The following C6 variants were observed in gnomAD, a reference collection of about 807,000 sequenced individuals.
C6 encodes the protein complement C6.
In C6, 101 loss-of-function variants were observed where a neutral mutation model predicts 112.9. That is an observed-to-expected ratio of 0.89 (90% CI 0.76 to 1.06). C6 has a LOEUF of 1.06. C6 is among the 50% of genes least tolerant of loss of function. C6 has a pLI of 0.00. For missense variants in C6, 1,202 were observed against 1,104.6 expected (o/e 1.09, Z -1.25); for synonymous variants, 431 against 384.1 (o/e 1.12, Z -1.43).
chr5:41,257,814 C>T (rs2096747889), intron 1 of C6, among the ~76,000 whole-genome samples: 2 of 152,236 alleles, frequency 1.3e-5, no homozygotes, highest in Admixed American at 1.3e-4. Flanking sequence ...ATTCCACCGA[C>T]ATATTCCCTT....
rs111663292 is a variant in C6, at chr5:41,159,081, C to T, written c.1856+1G>A. On this transcript the variant is annotated splice_donor_variant, in intron 12 of 17. Transcript: ENST00000337836. LOFTEE classifies it high-confidence loss of function. ...CATTCTTTTCCCTTACCCGGCCTTA[C>T]TTGTTTTCCATGATTGAAAATGTGC... 7 of 1,613,648 alleles carry T rather than the reference C, an allele frequency of 4.3e-6. No homozygotes were observed. The highest frequency in any genetic ancestry group is 1.7e-4 in the Middle Eastern group (1 of 6,056).
intron 9 of C6, among the ~76,000 whole-genome samples, chr5:41,168,577 T>C (rs1056716476): frequency 6.6e-6 from 1 of 152,152 alleles, no homozygotes; most frequent in Non-Finnish European, 1.5e-5. Context: ...CCTTACAGTC[T>C]TTCTTTGACT....
rs975548040 is a variant in C6 at position 41,241,859 on chromosome 5, C to A, written c.-21+19335G>T. On this transcript the variant is annotated intron_variant, in intron 1 of 17. Coordinates refer to the C6 transcript ENST00000263413. ...TAGGACAGAACATTCACAATAGCAG[C>A]CAGCACAGTGTGAAAAGACAGCTGG... Among the ~76,000 whole-genome samples the A allele has an allele frequency of 3.9e-5, 6 of 152,226 alleles. No individual in the cohort carries two copies. The East Asian group carries it at 1.2e-3, about 29-fold the overall frequency.
chr5:41,236,681 G>A (rs564402475), intron 1 of C6, among the ~76,000 whole-genome samples: 6 of 135,310 alleles, frequency 4.4e-5, no homozygotes, highest in Non-Finnish European at 7.9e-5. Flanking sequence ...AAAAGCAAGA[G>A]CAAACACATT....
intron 8 of C6, 176 bp from the exon 9 acceptor site, chr5:41,172,523 G>A: frequency 3.0e-6 from 2 of 669,794 alleles, no homozygotes; most frequent in South Asian, 1.7e-5. Context: ...ATTCAATCCT[G>A]CATGGGCCCA....
chr5:41,152,512 TTCC>T (rs1446118374), intron 15 of C6, among the ~76,000 whole-genome samples: 1 of 152,188 alleles, frequency 6.6e-6, no homozygotes. Context: ...CAGCTCACTC[TTCC>T]TCCTCTTAGC....
intron 6 of C6, among the ~76,000 whole-genome samples, chr5:41,182,069 C>T (rs1749396305): frequency 6.6e-6 from 1 of 152,114 alleles, no homozygotes; most frequent in Non-Finnish European, 1.5e-5. Flanking sequence ...CCATTGCCTG[C>T]TACCAAAGCT....
At chr5:41,168,128 C>T (rs1162210902) in intron 9 of C6, among the ~76,000 whole-genome samples, 1 of 152,072 alleles carries the variant, frequency 6.6e-6, no homozygotes, top group African/African-American at 2.4e-5. Context: ...ACTACTGTGT[C>T]CAGATCAGCT....
chr5:41,224,407 C>T (rs1310080359), intron 1 of C6, among the ~76,000 whole-genome samples: 2 of 152,070 alleles, frequency 1.3e-5, no homozygotes, highest in Non-Finnish European at 2.9e-5. Flanking sequence ...CCTATTTTTC[C>T]CTATCCCTCC....
intron 9 of C6, among the ~76,000 whole-genome samples, chr5:41,162,657 C>T (rs1159160967): frequency 6.6e-6 from 1 of 152,058 alleles, no homozygotes; most frequent in African/African-American, 2.4e-5. Context: ...GTGATATGAG[C>T]GATAGTTAGT....
In C6 at chr5:41,251,998, T is replaced by C. The variant is rs184360350; in HGVS notation, c.-21+9196A>G. 5.0e-3 allele frequency among the ~76,000 whole-genome samples: 768 copies of C among 152,328 alleles called. 6 individuals carry two copies. Among genetic ancestry groups the C allele is most frequent in the Non-Finnish European group, 8.1e-3 (549 of 68,012 alleles). On this transcript the variant is annotated intron_variant, in intron 1 of 17. Coordinates refer to the C6 transcript ENST00000263413. ...AAATCCATATCCTAAGTAAACCTTA[T>C]GGCAAAAGATTTTATAGCGTGGCTA...
chr5:41,246,761 T>A (rs1229248883), intron 1 of C6, among the ~76,000 whole-genome samples: 2 of 152,202 alleles, frequency 1.3e-5, no homozygotes, highest in African/African-American at 4.8e-5. Flanking sequence ...CCTACTTGAT[T>A]GAGAAGAGGG....
At chr5:41,238,748 C>A (rs892486169) in intron 1 of C6, among the ~76,000 whole-genome samples, 3 of 152,112 alleles carry the variant, frequency 2.0e-5, no homozygotes, top group African/African-American at 7.2e-5. Flanking sequence ...AAAATATACA[C>A]AAATAACCTG....
intron 15 of C6, among the ~76,000 whole-genome samples, chr5:41,151,091 A>C (rs575849521): frequency 1.3e-5 from 2 of 152,250 alleles, no homozygotes; most frequent in African/African-American, 4.8e-5. Flanking sequence ...GGTTTTAAGC[A>C]GGGAGTGGTG....
chr5:41,257,005 C>T (rs1297827060), intron 1 of C6, among the ~76,000 whole-genome samples: 1 of 151,944 alleles, frequency 6.6e-6, no homozygotes, highest in Middle Eastern at 3.2e-3. Context: ...AGAGTACTTC[C>T]AAGTTTTATT....
In C6 at chr5:41,169,328, C is replaced by T. The variant is rs191302613; in HGVS notation, c.1291+2897G>A. ...ACATACACACATACGCACACACACA[C>T]AGGCACACACACACACGCACTCTTA... On this transcript the variant is annotated intron_variant, in intron 9 of 17. Coordinates refer to ENST00000337836, the MANE Select transcript of C6 (RefSeq NM_000065.5). 3.0e-3 allele frequency among the ~76,000 whole-genome samples: 452 copies of T among 152,138 alleles called. 1 individual carries two copies. The highest frequency in any genetic ancestry group is 0.01 in the African/African-American group (431 of 41,494).
At position 41,213,442 on chromosome 5, in the gene C6, A is replaced by G. The variant is rs749449194; in HGVS notation, c.-87T>C. On this transcript the variant is annotated 5_prime_UTR_variant, in exon 1 of 18. Transcript: ENST00000337836. ...ATTATTGGGGAAAAAATAGGTATGC[A>G]GAATGAAGAGGGTATATATGTTAAT... The G allele has an allele frequency of 7.8e-5, 77 of 985,292 alleles. No homozygotes were observed. Among genetic ancestry groups the G allele is most frequent in the Non-Finnish European group, 8.7e-5 (72 of 829,922 alleles). 61.0% of individuals were successfully genotyped at this position (985,292 alleles called of 1,614,324 possible). A position where few individuals can be genotyped will look rare whatever the true frequency, so the allele number is the denominator to read the frequency against.
chr5:41,161,392 T>C (rs903435250), intron 10 of C6, among the ~76,000 whole-genome samples: 1 of 152,124 alleles, frequency 6.6e-6, no homozygotes, highest in Non-Finnish European at 1.5e-5. Context: ...ATTGTATACA[T>C]GAAAAAATAA....
At chr5:41,208,129 A>T (rs989111948) in intron 1 of C6, among the ~76,000 whole-genome samples, 1 of 152,260 alleles carries the variant, frequency 6.6e-6, no homozygotes, top group Non-Finnish European at 1.5e-5. Context: ...TACTGGGTAC[A>T]TAACGAAATG....
Sources: gnomAD v4.1 joint callset for allele counts (sites outside exome capture counted in the v4.1 genomes callset) on GRCh38, gnomAD v4.1.1 for gene constraint, MANE v1.5 for transcripts, NCBI Gene and HGNC (gene_info 2026-07-23, HGNC 2026-07-21) for gene names.